CD1C: variants seen among roughly 807,000 people sequenced by gnomAD.
The protein encoded by CD1C is CD1c molecule.
In CD1C, 47 loss-of-function variants were observed where a neutral mutation model predicts 39.4. That is an observed-to-expected ratio of 1.19 (90% confidence interval 0.94 to 1.52). The LOEUF is 1.52. CD1C is among the 40% of genes most tolerant of loss of function. The pLI, the probability that CD1C is intolerant of heterozygous loss-of-function variation, is 0.00. For missense variants in CD1C, 417 were observed against 395.2 expected, an observed-to-expected ratio of 1.06 and a Z score of -0.47; for synonymous variants, 165 against 150.8, an observed-to-expected ratio of 1.09 and a Z score of -0.69.
chr1:158,292,353 G>A lies in CD1C; in HGVS notation c.598G>A (p.Val200Ile), dbSNP rs781184826. 6.2e-6 allele frequency: 10 copies of A among 1,613,596 alleles called. No individual in the cohort carries two copies. The East Asian group carries it at 1.6e-4, about 25-fold the overall frequency. Residue 200 changes from valine (V) to isoleucine (I), a missense_variant, in exon 3 of 6, where the codon GTA becomes ATA. Physicochemically the swap from Val to Ile is conservative, Grantham distance 29. Coordinates refer to ENST00000368170, the MANE Select transcript of CD1C (RefSeq NM_001765.3). ...LGLLDAGKMY[V>I]HRQVRPEAWL... ...TCTCCTGGATGCAGGGAAGATGTAT[G>A]TACACAGGCAAGGTCAGTAGTTTCA...
In CD1C at chr1:158,292,816, C is replaced by T. The variant is rs1334924389; in HGVS notation, c.831C>T (p.Gly277=). The change falls in exon 4 of 6, where the codon GGC becomes GGT. Residue 277 remains glycine (G), a synonymous_variant. Coordinates refer to ENST00000368170, the MANE Select transcript of CD1C (RefSeq NM_001765.3). ...ILEVASEEPA[G]LSCRVRHSSL... ...AGGTGGCATCTGAGGAGCCTGCTGGCCTGTCTTGTCGAGTGAGACACAGCA... is the reference window on the plus strand; with the variant it reads ...AGGTGGCATCTGAGGAGCCTGCTGGTCTGTCTTGTCGAGTGAGACACAGCA... 8 of 1,614,152 alleles carry T rather than the reference C, an allele frequency of 5.0e-6. No homozygotes were observed. The South Asian group carries it at 7.7e-5, about 16-fold the overall frequency.
Position 158,293,534 on chromosome 1 carries a change from A to G in CD1C, c.*58A>G. On this transcript the variant is annotated 3_prime_UTR_variant, in exon 6 of 6. Coordinates refer to ENST00000368170, the MANE Select transcript of CD1C (RefSeq NM_001765.3). ...GAACCCAGCAACCCAGGAGCCTAGT[A>G]CAATATAGTGATGCCATCCCGTCGA... 2 of 1,613,944 alleles carry G rather than the reference A, an allele frequency of 1.2e-6. No individual in the cohort carries two copies. The highest frequency in any genetic ancestry group is 1.7e-6 in the Non-Finnish European group (2 of 1,179,844).
intron 5 of CD1C, 28 bp downstream of exon 5, chr1:158,293,330 T>C: frequency 1.9e-6 from 3 of 1,597,728 alleles, no homozygotes; most frequent in Non-Finnish European, 2.6e-6. Flanking sequence ...CCTCCTCTCC[T>C]CCCAGTTTCT....
At position 158,292,190 on chromosome 1, in the gene CD1C, G is replaced by A. The variant is rs1245079773; in HGVS notation, c.435G>A (p.Gln145=). 7 of 1,614,186 alleles carry A rather than the reference G, an allele frequency of 4.3e-6. No individual in the cohort carries two copies. Among genetic ancestry groups the A allele is most frequent in the Non-Finnish European group, 5.9e-6 (7 of 1,180,034 alleles). Residue 145 remains glutamine, a synonymous_variant, in exon 3 of 6, where the codon CAG becomes CAA. Coordinates refer to ENST00000368170, the MANE Select transcript of CD1C (RefSeq NM_001765.3). ...ACGGATTAGATTTACTGAGTTTCCA[G>A]AATACAACATGGGTGCCATCTCCAG... The part of the protein sequence containing the change: ...AFNGLDLLSF[Q]NTTWVPSPGC...
intron 1 of CD1C, 110 bp downstream of exon 1, chr1:158,290,235 C>T (rs1650988040): frequency 1.0e-6 from 1 of 953,566 alleles, no homozygotes; most frequent in African/African-American, 1.6e-5. Flanking sequence ...CTGAGCATAC[C>T]TGTCTCCAGG....
In CD1C at chr1:158,292,751, C is replaced by T; in HGVS notation, c.766C>T (p.Pro256Ser). 1 of 1,614,168 alleles carries T rather than the reference C, an allele frequency of 6.2e-7. No individual in the cohort carries two copies. The highest frequency in any genetic ancestry group is 1.1e-5 in the South Asian group (1 of 91,076). ...QLGTKHGDILPNADGTWYLQV... is the reference protein window; with the variant it reads ...QLGTKHGDILSNADGTWYLQV... ...GGGCACTAAACATGGTGATATTCTT[C>T]CTAATGCTGATGGGACATGGTATCT... Residue 256 changes from proline to serine, a missense_variant, in exon 4 of 6, where the codon CCT (proline) becomes TCT (serine). Coordinates refer to ENST00000368170, the MANE Select transcript of CD1C (RefSeq NM_001765.3).
At position 158,292,685 on chromosome 1, in the gene CD1C, C is replaced by A. The variant is rs772544606; in HGVS notation, c.700C>A (p.Pro234Thr). The change falls in exon 4 of 6, where the codon CCT becomes ACT. Residue 234 changes from proline to threonine, a missense_variant. By Grantham distance (38) the Pro-to-Thr change is conservative (BLOSUM62 -1). Coordinates refer to ENST00000368170, the MANE Select transcript of CD1C (RefSeq NM_001765.3). ...TCATGCCTCCGGCTTCTACCCAAAG[C>A]CTGTTTGGGTGACATGGATGCGGAA... ...VCHASGFYPK[P>T]VWVTWMRNEQ... 2.5e-6 allele frequency: 4 copies of A among 1,614,034 alleles called. No individual in the cohort carries two copies. Among genetic ancestry groups the A allele is most frequent in the Admixed American group, 3.3e-5 (2 of 60,022 alleles).
intron 1 of CD1C, 33 bp from the exon 2 acceptor site, chr1:158,291,101 T>C (rs1557800627): frequency 6.4e-7 from 1 of 1,572,916 alleles, no homozygotes; most frequent in Non-Finnish European, 8.6e-7. Flanking sequence ...TTTTTTTTTT[T>C]CCTTACACTA....
intron 1 of CD1C, among the ~76,000 whole-genome samples, chr1:158,290,606 G>A (rs773181608): frequency 9.2e-5 from 14 of 152,122 alleles, no homozygotes; most frequent in Admixed American, 7.2e-4. Context: ...TGAGTAGGAG[G>A]CCTAAGGTTA....
chr1:158,292,885 A>T lies in CD1C; in HGVS notation c.889+11A>T, dbSNP rs777205106. On this transcript the variant is annotated intron_variant, in intron 4 of 5. Transcript: ENST00000368170. ...TCATCCTCTACTGGGGTAAGACTGG[A>T]GGTTGGAAGTGTAGGTAGGTGGTTC... The T allele has an allele frequency of 6.2e-7, 1 of 1,612,688 alleles. No individual in the cohort carries two copies. Among genetic ancestry groups the T allele is most frequent in the Non-Finnish European group, 8.5e-7 (1 of 1,179,010 alleles).
chr1:158,291,478 C>A, intron 2 of CD1C, 78 bp downstream of exon 2: 1 of 1,418,950 alleles, frequency 7.0e-7, no homozygotes, highest in Admixed American at 1.8e-5. Context: ...AATTTTTGGG[C>A]CATTTCCCAT....
intron 4 of CD1C, 145 bp from the exon 5 acceptor site, chr1:158,293,067 T>C (rs760559989): frequency 1.5e-5 from 13 of 890,630 alleles, no homozygotes; most frequent in Non-Finnish European, 2.1e-5. Context: ...GAATCCTTCC[T>C]TGAGTAAGTT....
rs1385911994 is a variant in CD1C at position 158,290,105 on chromosome 1, C to T, written c.41C>T (p.Pro14Leu). The change falls in exon 1 of 6, where the codon CCA (proline) becomes CTA (leucine). Residue 14 changes from proline to leucine, a missense_variant. Transcript: ENST00000368170. ...LQFLLLALLLPGGDNADASQE... is the reference protein window; with the variant it reads ...LQFLLLALLLLGGDNADASQE... Reference sequence around the variant, plus strand: ...TTTCTGCTGCTAGCTCTTCTTCTCCCAGGTGGTGACAATGCAGACGGTAAG... The same window carrying T: ...TTTCTGCTGCTAGCTCTTCTTCTCCTAGGTGGTGACAATGCAGACGGTAAG... The T allele has an allele frequency of 6.2e-7, 1 of 1,613,870 alleles. No individual in the cohort carries two copies.
rs1393396734 is a variant in CD1C, at chr1:158,292,350, TATG to T, written c.596_598del (p.Tyr199_Val200delinsLeu). 2 of 1,613,668 alleles carry T rather than the reference TATG, an allele frequency of 1.2e-6. No individual in the cohort carries two copies. Among genetic ancestry groups the T allele is most frequent in the East Asian group, 2.2e-5 (1 of 44,896 alleles). ...GGGTCTCCTGGATGCAGGGAAGATG[TATG>T]TACACAGGCAAGGTCAGTAGTTTCA... On this transcript the variant is annotated inframe_deletion, in exon 3 of 6. Coordinates refer to ENST00000368170, the MANE Select transcript of CD1C (RefSeq NM_001765.3).
In CD1C at chr1:158,291,331, T is replaced by C. The variant is rs1379768400; in HGVS notation, c.259T>C (p.Leu87=). 3.7e-6 allele frequency: 6 copies of C among 1,614,054 alleles called. No individual in the cohort carries two copies. The highest frequency in any genetic ancestry group is 1.3e-5 in the African/African-American group (1 of 74,930). Residue 87 remains leucine, a synonymous_variant, in exon 2 of 6, where the codon TTA becomes CTA. Transcript: ENST00000368170. ...TGAAGAGTTGTCAGACCTAGAGTTG[T>C]TATTTCGTTTCTACCTCTTTGGATT... is the stretch of plus-strand genomic sequence containing the variant. ...SNEELSDLEL[L]FRFYLFGLTR...
Position 158,290,017 on chromosome 1 carries a change from G to C in CD1C, c.-48G>C, listed in dbSNP as rs1349378148. 2.6e-6 allele frequency: 4 copies of C among 1,565,998 alleles called. No homozygotes were observed. Among genetic ancestry groups the C allele is most frequent in the Middle Eastern group, 1.7e-4 (1 of 5,984 alleles). ...CAGAGGGATAAGTTTGCTAAGAACA[G>C]AGATCAGCAAACAGCTTTTCTGAGA... is the stretch of plus-strand genomic sequence containing the variant. On this transcript the variant is annotated 5_prime_UTR_variant, in exon 1 of 6. Coordinates refer to ENST00000368170, the MANE Select transcript of CD1C (RefSeq NM_001765.3).
In CD1C at chr1:158,292,692, G is replaced by T. The variant is rs1460750199; in HGVS notation, c.707G>T (p.Trp236Leu). 1 of 1,613,988 alleles carries T rather than the reference G, an allele frequency of 6.2e-7. No individual in the cohort carries two copies. Among genetic ancestry groups the T allele is most frequent in the East Asian group, 2.2e-5 (1 of 44,896 alleles). Residue 236 changes from tryptophan to leucine, a missense_variant, in exon 4 of 6, where the codon TGG (tryptophan) becomes TTG (leucine). Transcript: ENST00000368170. ...HASGFYPKPV[W>L]VTWMRNEQEQ... ...TCCGGCTTCTACCCAAAGCCTGTTT[G>T]GGTGACATGGATGCGGAATGAACAG...
rs1329653438 is a variant in CD1C, at chr1:158,294,316, C to T, written c.*840C>T. Among the ~76,000 whole-genome samples, 2 of 152,138 alleles carry T rather than the reference C, an allele frequency of 1.3e-5. No homozygotes were observed. Among genetic ancestry groups the T allele is most frequent in the Non-Finnish European group, 2.9e-5 (2 of 68,034 alleles). ...AGATAGCCTTGGCTAAACTTTAGTC[C>T]CTTTAGGTTTCATTCACTAATTCAA... is the stretch of plus-strand genomic sequence containing the variant. On this transcript the variant is annotated 3_prime_UTR_variant, in exon 6 of 6. Transcript: ENST00000368170.
intron 4 of CD1C, 125 bp from the exon 5 acceptor site, chr1:158,293,087 A>G: frequency 2.2e-6 from 2 of 927,368 alleles, no homozygotes; most frequent in Non-Finnish European, 3.4e-6. Flanking sequence ...TTTGGAATAG[A>G]GTGACTGAAA....
Sources: gnomAD v4.1 joint callset for allele counts (sites outside exome capture counted in the v4.1 genomes callset) on GRCh38, gnomAD v4.1.1 for gene constraint, MANE v1.5 for transcripts, NCBI Gene and HGNC (gene_info 2026-07-23, HGNC 2026-07-21) for gene names.